Variants in SH3BP4 observed in about 807,000 individuals in gnomAD.
SH3BP4 encodes SH3 domain-binding protein 4.
Under a neutral mutation model 65.5 loss-of-function variants are expected in SH3BP4, and 33 were observed. That is an observed-to-expected ratio of 0.50 (90% CI 0.38 to 0.67). SH3BP4 has a LOEUF of 0.67. Ranked by LOEUF, SH3BP4 falls within the 30% of genes least tolerant of loss-of-function variation. The probability of loss-of-function intolerance (pLI) is 0.00; values close to 1 mark genes in which losing one functional copy is unlikely to be tolerated. For synonymous variants in SH3BP4, 552 were observed against 545.5 expected, an observed-to-expected ratio of 1.01 and a Z score of -0.17; for missense variants, 1,134 against 1,261.4, an observed-to-expected ratio of 0.90 and a Z score of 1.53.
intron 2 of SH3BP4, among the ~76,000 whole-genome samples, chr2:235,013,333 A>T (rs1459226619): frequency 6.6e-6 from 1 of 151,820 alleles, no homozygotes; most frequent in Non-Finnish European, 1.5e-5. Context: ...TTGTGTATGG[A>T]GCTGTTCCCC....
intron 1 of SH3BP4, chr2:234,994,386 A>C (rs1360003844): frequency 6.6e-6 from 1 of 152,178 alleles, no homozygotes; most frequent in Admixed American, 6.5e-5. Context: ...TGATTGAGGG[A>C]AGGTGTCCAG....
intron 2 of SH3BP4, among the ~76,000 whole-genome samples, chr2:235,024,798 G>C (rs2106313665): frequency 6.6e-6 from 1 of 152,288 alleles, no homozygotes; most frequent in East Asian, 1.9e-4. Flanking sequence ...ATTAATAACA[G>C]TTGATTTTTT....
intron 2 of SH3BP4, among the ~76,000 whole-genome samples, chr2:235,011,048 A>C (rs72482125): frequency 0.26 from 15,346 of 59,426 alleles, 1,390 homozygotes; most frequent in East Asian, 0.48. Flanking sequence ...TCTAGGAGAA[A>C]CCTTCCTCCC....
rs1285481905 is a variant in SH3BP4, at chr2:234,988,163, A to G, written c.-206-7140A>G. ...CATCCTTCGCCTCCCGGGTTCAAGC[A>G]ATTCTCCTGCCTCAGCCTCCCAAGT... On this transcript the variant is annotated intron_variant, in intron 1 of 5. Coordinates refer to ENST00000392011, the MANE Select transcript of SH3BP4 (RefSeq NM_014521.3). 2.6e-5 allele frequency among the ~76,000 whole-genome samples: 4 copies of G among 151,930 alleles called. 1 individual carries two copies. Among genetic ancestry groups the G allele is most frequent in the Non-Finnish European group, 5.9e-5 (4 of 67,964 alleles).
intron 4 of SH3BP4, among the ~76,000 whole-genome samples, chr2:235,047,876 A>G (rs1201845727): frequency 1.3e-5 from 2 of 152,168 alleles, no homozygotes; most frequent in Non-Finnish European, 2.9e-5. Flanking sequence ...AGAAGTTTCT[A>G]TGAGAAAGGG....
At position 234,978,010 on chromosome 2, in the gene SH3BP4, C is replaced by T. The variant is rs1272288984; in HGVS notation, c.-206-17293C>T. Among the ~76,000 whole-genome samples the T allele has an allele frequency of 3.3e-5, 5 of 152,080 alleles. 1 individual carries two copies. Among genetic ancestry groups the T allele is most frequent in the South Asian group, 2.1e-4 (1 of 4,828 alleles). ...GGCTCTTGTTGGCCAGGCTGGAGTG[C>T]AGTGGCGCCATCTCTGCTCACTGCA... On this transcript the variant is annotated intron_variant, in intron 1 of 5. Coordinates refer to ENST00000392011, the MANE Select transcript of SH3BP4 (RefSeq NM_014521.3). The surrounding 1 kb of genome is among the most constrained non-coding windows in gnomAD (Gnocchi z 4.1).
rs7573776 is a variant in SH3BP4 at position 235,033,017 on chromosome 2, T to C, written c.-132-1854T>C. ...CCTGGGTGAGTGCTGGCCTCCACTC[T>C]GCCCCTCCTTACACTGCTGGGTAGG... On this transcript the variant is annotated intron_variant, in intron 2 of 5. Coordinates refer to ENST00000392011, the MANE Select transcript of SH3BP4 (RefSeq NM_014521.3). The surrounding 1 kb of genome is among the most constrained non-coding windows in gnomAD (Gnocchi z 5.7). Among the ~76,000 whole-genome samples the C allele has an allele frequency of 0.56, 84,655 of 152,080 alleles. 26,872 individuals carry two copies. Among genetic ancestry groups the C allele is most frequent in the African/African-American group, 0.88 (36,675 of 41,526 alleles).
Position 235,042,546 on chromosome 2 carries a change from G to A in SH3BP4, c.1777G>A (p.Val593Met). The A allele has an allele frequency of 1.2e-6, 2 of 1,614,148 alleles. No homozygotes were observed. Among genetic ancestry groups the A allele is most frequent in the Admixed American group, 1.7e-5 (1 of 60,026 alleles). Residue 593 changes from valine (V) to methionine (M), a missense_variant, in exon 4 of 6, where the codon GTG becomes ATG. Coordinates refer to ENST00000392011, the MANE Select transcript of SH3BP4 (RefSeq NM_014521.3). The surrounding 1 kb of genome is among the most constrained non-coding windows in gnomAD (Gnocchi z 7.3). ...ELSDFTLRVQ[V>M]KDDQEAILTQ... ...CTCTGACTTCACGCTGCGGGTTCAG[G>A]TGAAGGACGACCAGGAGGCCATCCT...
At position 234,997,147 on chromosome 2, in the gene SH3BP4, G is replaced by T. The variant is rs901187380; in HGVS notation, c.-133+1771G>T. Among the ~76,000 whole-genome samples the T allele has an allele frequency of 4.6e-5, 7 of 152,202 alleles. No homozygotes were observed. The South Asian group carries it at 1.4e-3, about 32-fold the overall frequency. On this transcript the variant is annotated intron_variant, in intron 2 of 5. Coordinates refer to ENST00000392011, the MANE Select transcript of SH3BP4 (RefSeq NM_014521.3). The surrounding 1 kb of genome is among the most constrained non-coding windows in gnomAD (Gnocchi z 4.2). ...GCATGTGCCTCTGGGTGGGGTGTAG[G>T]GGTGCTTGGGGGCGTGGGTCCCCAC...
chr2:234,975,011 C>T (rs559135245), intron 1 of SH3BP4, among the ~76,000 whole-genome samples: 9 of 152,258 alleles, frequency 5.9e-5, no homozygotes, highest in Admixed American at 2.6e-4. Flanking sequence ...CAAGCTCGGG[C>T]GGCAGGCAGC....
At chr2:235,001,531 T>C (rs988853898) in intron 2 of SH3BP4, among the ~76,000 whole-genome samples, 2 of 152,246 alleles carry the variant, frequency 1.3e-5, no homozygotes, top group Non-Finnish European at 2.9e-5. Flanking sequence ...TAGCTTTTAT[T>C]TCTTGTGCTT....
At chr2:235,036,433 G>C (rs1695381116) in intron 3 of SH3BP4, among the ~76,000 whole-genome samples, 1 of 152,134 alleles carries the variant, frequency 6.6e-6, no homozygotes, top group South Asian at 2.1e-4. Flanking sequence ...AGTGAGGAGG[G>C]CAGAGTCTTA....
Position 234,991,234 on chromosome 2 carries a change from G to T in SH3BP4, c.-206-4069G>T, listed in dbSNP as rs1189898633. 2.6e-5 allele frequency among the ~76,000 whole-genome samples: 4 copies of T among 152,192 alleles called. No individual in the cohort carries two copies. The highest frequency in any genetic ancestry group is 4.4e-5 in the Non-Finnish European group (3 of 68,038). On this transcript the variant is annotated intron_variant, in intron 1 of 5. Coordinates refer to ENST00000392011, the MANE Select transcript of SH3BP4 (RefSeq NM_014521.3). This position sits in a 1 kb window ranked among gnomAD's most constrained non-coding sequence, Gnocchi z 4.2. ...TGTGAATATAGCTTCCTGTTTGGAT[G>T]TGGTAGGGTGAGGACCATGAGCCTC...
At chr2:234,995,636 A>G (rs908941471) in intron 2 of SH3BP4, 1 of 152,532 alleles carries the variant, frequency 6.6e-6, no homozygotes, top group East Asian at 1.9e-4. Context: ...TCATCCTGGC[A>G]TCCAGAAGCC....
At chr2:235,029,276 G>T (rs550838102) in intron 2 of SH3BP4, among the ~76,000 whole-genome samples, 1 of 152,160 alleles carries the variant, frequency 6.6e-6, no homozygotes, top group East Asian at 1.9e-4. Context: ...TGGAGCTGCC[G>T]TGCATGGCTG....
rs550984852 is a variant in SH3BP4, at chr2:235,005,250, C to T, written c.-133+9874C>T. 3.3e-3 allele frequency among the ~76,000 whole-genome samples: 497 copies of T among 152,266 alleles called. 3 individuals carry two copies. The highest frequency in any genetic ancestry group is 0.012 in the African/African-American group (483 of 41,546). ...TGTCTGTCTGTCTGTCCCTCCCAGC[C>T]CTGCTGTGCTGTTGGCCCAGGGAGT... On this transcript the variant is annotated intron_variant, in intron 2 of 5. Transcript: ENST00000392011.
At chr2:235,005,066 T>A (rs1158182212) in intron 2 of SH3BP4, among the ~76,000 whole-genome samples, 1 of 152,166 alleles carries the variant, frequency 6.6e-6, no homozygotes, top group Admixed American at 6.5e-5. Flanking sequence ...CGCCTGCAGA[T>A]CCCCCTGGGT....
At chr2:235,005,418 C>A (rs1694263370) in intron 2 of SH3BP4, among the ~76,000 whole-genome samples, 1 of 152,108 alleles carries the variant, frequency 6.6e-6, no homozygotes, top group Non-Finnish European at 1.5e-5. Context: ...CCAGTGGAGG[C>A]TTCCCCCTTC....
Position 235,052,527 on chromosome 2 carries a change from A to G in SH3BP4, c.2479-35A>G, listed in dbSNP as rs747769772. 4 of 1,505,948 alleles carry G rather than the reference A, an allele frequency of 2.7e-6. No homozygotes were observed. Among genetic ancestry groups the G allele is most frequent in the South Asian group, 1.3e-5 (1 of 78,264 alleles). 93.3% of individuals were successfully genotyped at this position (1,505,948 alleles called of 1,614,324 possible). Reference sequence around the variant, plus strand: ...GGGAGCAGAGCCTGCCCCACTCCCTACACTGTCTCACGCTGTGTGCCTCTT... The same window carrying G: ...GGGAGCAGAGCCTGCCCCACTCCCTGCACTGTCTCACGCTGTGTGCCTCTT... On this transcript the variant is annotated intron_variant, in intron 4 of 5. Coordinates refer to ENST00000392011, the MANE Select transcript of SH3BP4 (RefSeq NM_014521.3). This position sits in a 1 kb window ranked among gnomAD's most constrained non-coding sequence, Gnocchi z 5.0.
Sources: allele counts gnomAD v4.1 joint callset (sites outside exome capture counted in the v4.1 genomes callset), GRCh38; gene constraint gnomAD v4.1.1; non-coding constraint Gnocchi (gnomAD v3.1); transcripts MANE v1.5; gene names NCBI Gene and HGNC (gene_info 2026-07-23, HGNC 2026-07-21).